Variants in TBC1D5 observed in about 807,000 individuals in gnomAD.
TBC1D5 encodes the protein TBC1 domain family member 5.
A neutral mutation model predicts 100.3 loss-of-function variants in TBC1D5; 75 were observed. That is an observed-to-expected ratio of 0.75 (90% CI 0.62 to 0.91). The LOEUF is 0.91. Ranked by LOEUF, TBC1D5 falls within the 40% of genes least tolerant of loss-of-function variation. TBC1D5 has a pLI of 0.00. For missense variants in TBC1D5, 910 were observed against 942.4 expected (o/e 0.97, Z 0.45); for synonymous variants, 323 against 325.6 (o/e 0.99, Z 0.09).
chr3:17,462,995 C>T (rs1559941545), intron 3 of TBC1D5, among the ~76,000 whole-genome samples: 1 of 152,106 alleles, frequency 6.6e-6, no homozygotes, highest in Non-Finnish European at 1.5e-5. Flanking sequence ...AAAGCAACTC[C>T]CTCAGAGCAG....
chr3:17,239,384 A>G (rs1195794249), intron 16 of TBC1D5, among the ~76,000 whole-genome samples: 1 of 152,052 alleles, frequency 6.6e-6, no homozygotes, highest in Non-Finnish European at 1.5e-5. Flanking sequence ...TATCATTTCC[A>G]TTAGCATACA....
rs2062314444 is a variant in TBC1D5, at chr3:17,617,871, T to C, written c.-36+5978A>G. On this transcript the variant is annotated intron_variant, in intron 2 of 21. Transcript: ENST00000253692. ...GCTCCTTTAGCTCAAAGAAGTTTGT[T>C]ATTACTGACCTTCTGAAGCCTACTT... Among the ~76,000 whole-genome samples, 4 of 152,218 alleles carry C rather than the reference T, an allele frequency of 2.6e-5. 1 individual carries two copies. In the South Asian group the frequency reaches 8.3e-4, roughly 31 times the overall value.
intron 4 of TBC1D5, among the ~76,000 whole-genome samples, chr3:17,410,372 A>C (rs888309553): frequency 3.3e-5 from 5 of 152,188 alleles, no homozygotes; most frequent in African/African-American, 9.6e-5. Context: ...GATATGTACA[A>C]AGAGATTAAT....
At position 17,704,595 on chromosome 3, in the gene TBC1D5, G is replaced by A. The variant is rs1282455392; in HGVS notation, c.-101+34748C>T. 2.5e-4 allele frequency among the ~76,000 whole-genome samples: 18 copies of A among 72,658 alleles called. 1 individual carries two copies. Among genetic ancestry groups the A allele is most frequent in the African/African-American group, 6.3e-4 (14 of 22,104 alleles). The allele number at this position is 72,658 out of a possible 152,430, so 47.7% of individuals were successfully genotyped here. A position where few individuals can be genotyped will look rare whatever the true frequency, so the allele number is the denominator to read the frequency against. On this transcript the variant is annotated intron_variant, in intron 1 of 21. Coordinates refer to ENST00000253692, the Ensembl canonical transcript of TBC1D5. Reference sequence around the variant, plus strand: ...TCCCGGACGGGGCGGCTGGCCGGGCGGGGGGCCGACACCCCCACCAACCTC... The same window carrying A: ...TCCCGGACGGGGCGGCTGGCCGGGCAGGGGGCCGACACCCCCACCAACCTC...
intron 3 of TBC1D5, among the ~76,000 whole-genome samples, chr3:17,484,150 C>T (rs2095531768): frequency 6.6e-6 from 1 of 152,096 alleles, no homozygotes; most frequent in Non-Finnish European, 1.5e-5. Flanking sequence ...TCAGTTTATC[C>T]TTAAAGACAG....
intron 3 of TBC1D5, among the ~76,000 whole-genome samples, chr3:17,454,833 A>C (rs1216833553): frequency 1.3e-5 from 2 of 152,188 alleles, no homozygotes; most frequent in Non-Finnish European, 2.9e-5. Flanking sequence ...TCCCATTTAC[A>C]ATAGCCACAA....
chr3:17,290,240 T>C (rs1486636563), intron 15 of TBC1D5, among the ~76,000 whole-genome samples: 1 of 152,218 alleles, frequency 6.6e-6, no homozygotes, highest in Non-Finnish European at 1.5e-5. Flanking sequence ...TTAATGCTTA[T>C]AGAATTTGCT....
chr3:17,326,042 T>C (rs1170973137), intron 13 of TBC1D5, among the ~76,000 whole-genome samples: 1 of 152,308 alleles, frequency 6.6e-6, no homozygotes, highest in East Asian at 1.9e-4. Context: ...TCTATGACTG[T>C]ACTCATCTCA....
chr3:17,204,980 G>A (rs938248219), intron 18 of TBC1D5, among the ~76,000 whole-genome samples: 3 of 152,144 alleles, frequency 2.0e-5, no homozygotes, highest in African/African-American at 4.8e-5. Flanking sequence ...CCTTGAGTAC[G>A]TTTACTGGCA....
chr3:17,630,287 G>A (rs983900012), intron 1 of TBC1D5, among the ~76,000 whole-genome samples: 8 of 152,080 alleles, frequency 5.3e-5, no homozygotes, highest in Non-Finnish European at 7.4e-5. Flanking sequence ...ACAAATGTAC[G>A]TTTGTGGTAA....
At chr3:17,384,221 A>G (rs749383064) in intron 8 of TBC1D5, among the ~76,000 whole-genome samples, 17 of 152,086 alleles carry the variant, frequency 1.1e-4, no homozygotes, top group Non-Finnish European at 2.2e-4. Flanking sequence ...ACATCCTTCA[A>G]CATATTCACA....
At chr3:17,180,930 A>AG (rs1487423709) in intron 19 of TBC1D5, among the ~76,000 whole-genome samples, 2 of 151,910 alleles carry the variant, frequency 1.3e-5, no homozygotes, top group Non-Finnish European at 1.5e-5. Context: ...AAAAAAAAAA[A>AG]AAAAGAAAAG....
intron 13 of TBC1D5, among the ~76,000 whole-genome samples, chr3:17,311,720 T>C (rs1040710738): frequency 6.6e-6 from 1 of 152,032 alleles, no homozygotes; most frequent in African/African-American, 2.4e-5. Flanking sequence ...CATTAATGGC[T>C]CTTTAGTGAG....
intron 1 of TBC1D5, among the ~76,000 whole-genome samples, chr3:17,652,602 A>G (rs1010567917): frequency 6.6e-5 from 10 of 152,324 alleles, no homozygotes; most frequent in African/African-American, 2.4e-4. Context: ...AGATGGAAAA[A>G]TAGGTAGAGT....
At chr3:17,598,593 T>C (rs2060727167) in intron 2 of TBC1D5, among the ~76,000 whole-genome samples, 1 of 152,200 alleles carries the variant, frequency 6.6e-6, no homozygotes, top group Non-Finnish European at 1.5e-5. Flanking sequence ...ATCCATTTTC[T>C]TCAAACTGCA....
At chr3:17,163,260 C>G (rs988514556) in intron 21 of TBC1D5, among the ~76,000 whole-genome samples, 1 of 55,280 alleles carries the variant, frequency 1.8e-5, no homozygotes, top group African/African-American at 1.3e-4. Flanking sequence ...TATTGACCCC[C>G]CCCCCTTCCT....
At chr3:17,544,650 GAA>G (rs11294217) in intron 2 of TBC1D5, among the ~76,000 whole-genome samples, 27 of 86,242 alleles carry the variant, frequency 3.1e-4, no homozygotes, top group African/African-American at 9.0e-4. Context: ...GACTCCGTCT[GAA>G]AAAAAAAAAA....
chr3:17,547,979 T>C (rs994464735), intron 2 of TBC1D5, among the ~76,000 whole-genome samples: 4 of 152,152 alleles, frequency 2.6e-5, no homozygotes, highest in African/African-American at 4.8e-5. Context: ...CTAAAACATA[T>C]AGTACTCTGT....
intron 13 of TBC1D5, among the ~76,000 whole-genome samples, chr3:17,347,388 A>T (rs992582990): frequency 6.6e-6 from 1 of 152,194 alleles, no homozygotes; most frequent in Non-Finnish European, 1.5e-5. Flanking sequence ...GCTCCTCATG[A>T]CACAGTCACT....
Sources: gnomAD v4.1 joint callset for allele counts (sites outside exome capture counted in the v4.1 genomes callset) on GRCh38, gnomAD v4.1.1 for gene constraint, MANE v1.5 for transcripts, NCBI Gene and HGNC (gene_info 2026-07-23, HGNC 2026-07-21) for gene names.